The following TMEFF2 variants were observed in gnomAD, a reference collection of about 807,000 sequenced individuals.
TMEFF2 encodes the protein tomoregulin-2.
In TMEFF2, 28 loss-of-function variants were observed where a neutral mutation model predicts 53.8. The ratio of observed to expected loss-of-function variants is 0.52; its 90% CI spans 0.39 to 0.71. The LOEUF is 0.71. Among genes scored for constraint, TMEFF2 ranks in the 30% least tolerant of loss-of-function variants. The pLI, the probability that TMEFF2 is intolerant of heterozygous loss-of-function variation, is 0.00. For missense variants in TMEFF2, 353 were observed against 455.2 expected, an observed-to-expected ratio of 0.78 and a Z score of 2.04; for synonymous variants, 162 against 166.3, an observed-to-expected ratio of 0.97 and a Z score of 0.20.
chr2:192,097,891 C>A (rs561289381), intron 4 of TMEFF2, among the ~76,000 whole-genome samples: 21 of 152,114 alleles, frequency 1.4e-4, no homozygotes, highest in East Asian at 9.7e-4. Flanking sequence ...TTACACTTGG[C>A]CAAAGTATTA....
chr2:192,049,357 A>G (rs4449077), intron 5 of TMEFF2, among the ~76,000 whole-genome samples: 140,783 of 152,244 alleles, frequency 0.92, 66,112 homozygotes, highest in South Asian at 1. Context: ...GAGAATTACT[A>G]GTGTATTACA....
intron 4 of TMEFF2, among the ~76,000 whole-genome samples, chr2:192,156,014 G>GA (rs5837288): frequency 0.3 from 43,161 of 144,206 alleles, 7,540 homozygotes; most frequent in Non-Finnish European, 0.39. Context: ...AGGAACATTT[G>GA]AAAAAAAAAA....
At chr2:192,096,867 G>C (rs1322120515) in intron 4 of TMEFF2, among the ~76,000 whole-genome samples, 1 of 151,256 alleles carries the variant, frequency 6.6e-6, no homozygotes. Flanking sequence ...GTAGAGACGG[G>C]GTTTCACCAT....
At chr2:191,987,284 T>G (rs527562849) in intron 7 of TMEFF2, among the ~76,000 whole-genome samples, 1 of 152,154 alleles carries the variant, frequency 6.6e-6, no homozygotes, top group African/African-American at 2.4e-5. Flanking sequence ...GAGGCAAAAT[T>G]GAGAACTGCT....
chr2:192,132,570 A>T (rs1467595891), intron 4 of TMEFF2, among the ~76,000 whole-genome samples: 1 of 151,832 alleles, frequency 6.6e-6, no homozygotes, highest in Admixed American at 6.6e-5. Flanking sequence ...ATGAAAAAAA[A>T]AAGTTGCAAT....
At chr2:192,009,560 T>C (rs1686578538) in intron 5 of TMEFF2, among the ~76,000 whole-genome samples, 1 of 152,152 alleles carries the variant, frequency 6.6e-6, no homozygotes, top group East Asian at 1.9e-4. Context: ...CCTTCATGAT[T>C]ATATCAATCT....
chr2:192,190,880 T>C (rs1307836278), intron 2 of TMEFF2, among the ~76,000 whole-genome samples: 2 of 3,150 alleles, frequency 6.3e-4, no homozygotes, highest in East Asian at 0.5. Context: ...TTTTTATTTG[T>C]TCTATATCAT....
Position 192,075,286 on chromosome 2 carries a change from T to TATATATATATAA in TMEFF2, c.440-17512_440-17511insTTATATATATAT, listed in dbSNP as rs2105919531. 2.0e-4 allele frequency among the ~76,000 whole-genome samples: 3 copies of TATATATATATAA among 15,028 alleles called. No individual in the cohort carries two copies. The East Asian group carries it at 3.8e-3, about 19-fold the overall frequency. 9.9% of individuals were successfully genotyped at this position (15,028 alleles called of 152,430 possible). A position where few individuals can be genotyped will look rare whatever the true frequency, so the allele number is the denominator to read the frequency against. ...TATTATACCCAGAGTACAGTACTAT[T>TATATATATATAA]ATATATATATATATATATATATATA... On this transcript the variant is annotated intron_variant, in intron 4 of 9. Coordinates refer to ENST00000272771, the MANE Select transcript of TMEFF2 (RefSeq NM_016192.4).
At chr2:192,096,538 A>T (rs1284342626) in intron 4 of TMEFF2, among the ~76,000 whole-genome samples, 1 of 152,112 alleles carries the variant, frequency 6.6e-6, no homozygotes, top group Non-Finnish European at 1.5e-5. Flanking sequence ...TTAAAAATTT[A>T]AAATTGAGTG....
intron 5 of TMEFF2, among the ~76,000 whole-genome samples, chr2:192,025,971 T>C (rs1234043389): frequency 1.3e-5 from 2 of 152,170 alleles, no homozygotes; most frequent in African/African-American, 4.8e-5. Context: ...TCATACATTC[T>C]TACATAAAAC....
chr2:191,982,596 G>A (rs910667609), intron 7 of TMEFF2, among the ~76,000 whole-genome samples: 3 of 151,550 alleles, frequency 2.0e-5, no homozygotes, highest in African/African-American at 7.3e-5. Context: ...AAAGTGACTT[G>A]ACACCAGTGA....
At position 192,097,716 on chromosome 2, in the gene TMEFF2, GTATT is replaced by G. The variant is rs576385849; in HGVS notation, c.440-39945_440-39942del. On this transcript the variant is annotated intron_variant, in intron 4 of 9. Transcript: ENST00000272771. The stretch of plus-strand genomic sequence containing the variant: ...ATGTGCCCTTTGACCTCCATTATTA[GTATT>G]TATTAAGGTCTTTATATTTTTATTT... 8.7e-4 allele frequency among the ~76,000 whole-genome samples: 133 copies of G among 152,220 alleles called. 1 individual carries two copies. Among genetic ancestry groups the G allele is most frequent in the East Asian group, 5.2e-3 (27 of 5,178 alleles).
intron 4 of TMEFF2, among the ~76,000 whole-genome samples, chr2:192,064,875 A>C (rs1303873268): frequency 6.6e-6 from 1 of 151,908 alleles, no homozygotes; most frequent in South Asian, 2.1e-4. Context: ...GCACAGCCAC[A>C]GTTGACTTTA....
intron 4 of TMEFF2, among the ~76,000 whole-genome samples, chr2:192,106,903 T>C (rs1208334510): frequency 6.6e-6 from 1 of 151,704 alleles, no homozygotes; most frequent in Non-Finnish European, 1.5e-5. Flanking sequence ...ATGATGGCAT[T>C]TGATCTTGAA....
At chr2:191,965,472 C>T (rs1410360121) in intron 7 of TMEFF2, among the ~76,000 whole-genome samples, 1 of 152,134 alleles carries the variant, frequency 6.6e-6, no homozygotes, top group African/African-American at 2.4e-5. Context: ...ATGTTTTCCA[C>T]CTAGGCCAGA....
At chr2:192,026,020 G>A (rs1686963028) in intron 5 of TMEFF2, among the ~76,000 whole-genome samples, 1 of 152,118 alleles carries the variant, frequency 6.6e-6, no homozygotes, top group African/African-American at 2.4e-5. Flanking sequence ...AACATGCTGG[G>A]AAGAAAATGG....
At chr2:191,982,928 T>C (rs1685888067) in intron 7 of TMEFF2, among the ~76,000 whole-genome samples, 1 of 152,146 alleles carries the variant, frequency 6.6e-6, no homozygotes, top group African/African-American at 2.4e-5. Flanking sequence ...CAATAATTCA[T>C]TTACCAGAAA....
intron 4 of TMEFF2, among the ~76,000 whole-genome samples, chr2:192,175,363 A>C (rs193260506): frequency 4.2e-4 from 64 of 151,820 alleles, no homozygotes; most frequent in Non-Finnish European, 6.6e-4. Context: ...TGTTCTATCC[A>C]ATATGTATAT....
intron 4 of TMEFF2, among the ~76,000 whole-genome samples, chr2:192,131,738 ATTC>A (rs1689836961): frequency 6.6e-6 from 1 of 151,970 alleles, no homozygotes; most frequent in African/African-American, 2.4e-5. Context: ...CTTAGCCTGT[ATTC>A]TTAAGAACTT....
Sources: allele counts gnomAD v4.1 joint callset (sites outside exome capture counted in the v4.1 genomes callset), GRCh38; gene constraint gnomAD v4.1.1; transcripts MANE v1.5; gene names NCBI Gene and HGNC (gene_info 2026-07-23, HGNC 2026-07-21).